The following PIK3C2G variants were observed in gnomAD, a reference collection of about 807,000 sequenced individuals.
PIK3C2G encodes phosphatidylinositol 3-kinase C2 domain-containing subunit gamma.
In PIK3C2G, 168 loss-of-function variants were observed where a neutral mutation model predicts 181.1. The ratio of observed to expected loss-of-function variants is 0.93; its 90% CI spans 0.82 to 1.05. The LOEUF (loss-of-function observed/expected upper bound fraction) is 1.05. PIK3C2G is among the 50% of genes least tolerant of loss of function. The pLI is 0.00. For synonymous variants in PIK3C2G, 573 were observed against 592.2 expected (o/e 0.97, Z 0.47); for missense variants, 1,869 against 1,732.8 (o/e 1.08, Z -1.40).
At chr12:18,662,358 T>A in the PIK3C2G span, among the ~76,000 whole-genome samples, 106 of 151,744 alleles carry the variant, frequency 7.0e-4, 1 homozygote, top group African/African-American at 2.5e-3. Flanking sequence ...GAGGGAGAAA[T>A]TAAGAAATTA....
At chr12:18,393,464 G>C (rs1429427049) in intron 15 of PIK3C2G, among the ~76,000 whole-genome samples, 1 of 151,796 alleles carries the variant, frequency 6.6e-6, no homozygotes, top group Non-Finnish European at 1.5e-5. Context: ...AGTAATCAGA[G>C]TGAGGAAGTT....
intron 13 of PIK3C2G, among the ~76,000 whole-genome samples, chr12:18,380,544 T>A (rs752494773): frequency 1.3e-5 from 2 of 152,188 alleles, no homozygotes; most frequent in Non-Finnish European, 2.9e-5. Context: ...AATCTTTACC[T>A]CTATTAAACT....
At chr12:18,508,161 A>G (rs1427213100) in intron 24 of PIK3C2G, among the ~76,000 whole-genome samples, 2 of 152,202 alleles carry the variant, frequency 1.3e-5, no homozygotes, top group African/African-American at 2.4e-5. Flanking sequence ...TAAGGAGGCC[A>G]ACTGCAGCTC....
At position 18,599,594 on chromosome 12, in the gene PIK3C2G, C is replaced by G. The variant is rs1947588236; in HGVS notation, c.4087+5025C>G. 4.0e-5 allele frequency among the ~76,000 whole-genome samples: 6 copies of G among 151,706 alleles called. No individual in the cohort carries two copies. The South Asian group carries it at 1.2e-3, about 32-fold the overall frequency. ...AGCACACCAGCATGGCACATGTATA[C>G]ATATGCAACTAACCTGCACATTGTG... On this transcript the variant is annotated intron_variant, in intron 30 of 32. Transcript: ENST00000538779.
chr12:18,701,505 T>C, the PIK3C2G span: 207 of 1,614,086 alleles, frequency 1.3e-4, no homozygotes, highest in East Asian at 4.5e-3. Flanking sequence ...CCTCACCTTC[T>C]TTTTCTTGAA....
Position 18,484,423 on chromosome 12 carries a change from T to C in PIK3C2G, c.2505-4026T>C, listed in dbSNP as rs934309472. Among the ~76,000 whole-genome samples the C allele has an allele frequency of 4.6e-5, 7 of 152,332 alleles. No individual in the cohort carries two copies. In the East Asian group the frequency reaches 1.4e-3, roughly 29 times the overall value. ...TATATTTAAGTGTTCTAAAAATATATACAACATCTAGGGTATGGATTTAAT... is the reference window on the plus strand; with the variant it reads ...TATATTTAAGTGTTCTAAAAATATACACAACATCTAGGGTATGGATTTAAT... On this transcript the variant is annotated intron_variant, in intron 18 of 32. Transcript: ENST00000538779.
intron 14 of PIK3C2G, among the ~76,000 whole-genome samples, chr12:18,387,583 T>C (rs1163930341): frequency 6.6e-6 from 1 of 152,114 alleles, no homozygotes; most frequent in Non-Finnish European, 1.5e-5. Context: ...GAGATTCATC[T>C]TTTTCCACCC....
intron 5 of PIK3C2G, among the ~76,000 whole-genome samples, chr12:18,313,185 G>T (rs1290027394): frequency 1.3e-5 from 2 of 152,020 alleles, no homozygotes; most frequent in African/African-American, 2.4e-5. Flanking sequence ...TTTCACAGAA[G>T]AATCAAATTG....
chr12:18,696,325 TATATATA>T, the PIK3C2G span: 1 of 49,124 alleles, frequency 2.0e-5, no homozygotes, highest in Non-Finnish European at 5.7e-5. Flanking sequence ...AAAGCCACTA[TATATATA>T]TATATATATA....
chr12:18,338,342 TG>T, intron 8 of PIK3C2G, 83 bp from the exon 9 acceptor site: 1 of 1,090,500 alleles, frequency 9.2e-7, no homozygotes, highest in Non-Finnish European at 1.3e-6. Flanking sequence ...TTGCTCCTCA[TG>T]GAAAAAGAAG....
chr12:18,350,406 T>G (rs1940112234), intron 11 of PIK3C2G, among the ~76,000 whole-genome samples: 1 of 152,140 alleles, frequency 6.6e-6, no homozygotes. Context: ...GTAATACATA[T>G]TATGTAATAA....
intron 8 of PIK3C2G, among the ~76,000 whole-genome samples, chr12:18,334,819 T>C (rs1938365538): frequency 6.6e-6 from 1 of 152,130 alleles, no homozygotes; most frequent in Admixed American, 6.6e-5. Context: ...TTTAAACTGA[T>C]ATTCCCCTCG....
At chr12:18,317,114 A>G (rs1187715696) in intron 6 of PIK3C2G, among the ~76,000 whole-genome samples, 2 of 150,832 alleles carry the variant, frequency 1.3e-5, no homozygotes, top group Admixed American at 6.6e-5. Flanking sequence ...CCCGGGTTCA[A>G]GTGATTCTCC....
At chr12:18,346,442 G>A (rs925078020) in intron 10 of PIK3C2G, among the ~76,000 whole-genome samples, 199 bp from the exon 11 acceptor site, 5 of 152,160 alleles carry the variant, frequency 3.3e-5, no homozygotes, top group African/African-American at 1.2e-4. Flanking sequence ...AGATCAGAAA[G>A]CTTATTGATG....
chr12:18,303,139 T>TTTCTTTTCTTTCTTCTTTCTCTTTC (rs71302109), intron 5 of PIK3C2G, among the ~76,000 whole-genome samples: 1 of 128,660 alleles, frequency 7.8e-6, no homozygotes, highest in Non-Finnish European at 1.6e-5. Context: ...TCTTTCTTTC[T>TTTCTTTTCTTTCTTCTTTCTCTTTC]TTTCTTTTCT....
At chr12:18,413,742 C>T (rs937090234) in intron 16 of PIK3C2G, among the ~76,000 whole-genome samples, 3 of 152,112 alleles carry the variant, frequency 2.0e-5, no homozygotes, top group East Asian at 1.9e-4. Context: ...AGAGTGTCTC[C>T]TGGTATGATA....
At chr12:18,269,246 C>CTAACAATTACATTAATAT (rs1948642625) in intron 1 of PIK3C2G, among the ~76,000 whole-genome samples, 1 of 152,068 alleles carries the variant, frequency 6.6e-6, no homozygotes, top group Non-Finnish European at 1.5e-5. Context: ...TATCCTCATG[C>CTAACAATTACATTAATAT]TAACAATTAC....
chr12:18,333,366 C>G lies in PIK3C2G; in HGVS notation c.1273-5060C>G, dbSNP rs573193622. Among the ~76,000 whole-genome samples, 21 of 152,156 alleles carry G rather than the reference C, an allele frequency of 1.4e-4. No homozygotes were observed. In the East Asian group the frequency reaches 3.7e-3, roughly 27 times the overall value. ...GGTTTGTTACATAGGTATACACGTG[C>G]CATGGTGGTTTGCTGCACCCATCAA... On this transcript the variant is annotated intron_variant, in intron 8 of 32. Coordinates refer to ENST00000538779, the MANE Select transcript of PIK3C2G (RefSeq NM_001288772.2).
intron 18 of PIK3C2G, among the ~76,000 whole-genome samples, chr12:18,439,542 A>G (rs1946624367): frequency 6.6e-6 from 1 of 151,992 alleles, no homozygotes; most frequent in Non-Finnish European, 1.5e-5. Context: ...AGACCACTCC[A>G]TAATTTGACT....
Sources: allele counts gnomAD v4.1 joint callset (sites outside exome capture counted in the v4.1 genomes callset), GRCh38; gene constraint gnomAD v4.1.1; transcripts MANE v1.5; gene names NCBI Gene and HGNC (gene_info 2026-07-23, HGNC 2026-07-21).